The following LRRTM4 variants were observed in gnomAD, a reference collection of about 807,000 sequenced individuals.
LRRTM4 encodes leucine rich repeat transmembrane neuronal 4, also known as leucine-rich repeat transmembrane neuronal protein 4.
Under a neutral mutation model 47.6 loss-of-function variants are expected in LRRTM4, and 25 were observed. The observed-to-expected ratio is 0.53, with a 90% CI of 0.38 to 0.73. The LOEUF (loss-of-function observed/expected upper bound fraction) is 0.73. Ranked by LOEUF, LRRTM4 falls within the 30% of genes least tolerant of loss-of-function variation. The probability of loss-of-function intolerance (pLI) is 0.00; values close to 1 mark genes in which losing one functional copy is unlikely to be tolerated. For synonymous variants in LRRTM4, 311 were observed against 269.5 expected (o/e 1.15, Z -1.51); for missense variants, 638 against 713.4 (o/e 0.89, Z 1.20).
At chr2:77,118,339 A>G (rs1572979702) in intron 3 of LRRTM4, among the ~76,000 whole-genome samples, 1 of 152,052 alleles carries the variant, frequency 6.6e-6, no homozygotes, top group Admixed American at 6.6e-5. Context: ...AAAACTCAGA[A>G]AAGTATCTAC....
intron 3 of LRRTM4, among the ~76,000 whole-genome samples, chr2:76,963,530 T>C (rs556459749): frequency 6.6e-6 from 1 of 150,952 alleles, no homozygotes. Flanking sequence ...ATTTAAGAAA[T>C]TCAAATTAAT....
chr2:77,013,773 A>T (rs971433200), intron 3 of LRRTM4, among the ~76,000 whole-genome samples: 2 of 152,206 alleles, frequency 1.3e-5, no homozygotes, highest in Non-Finnish European at 2.9e-5. Flanking sequence ...AACAACTCAG[A>T]TAAAATATTG....
chr2:77,309,673 TAGAC>T (rs1213703689), intron 3 of LRRTM4, among the ~76,000 whole-genome samples: 1 of 140,640 alleles, frequency 7.1e-6, no homozygotes, highest in Non-Finnish European at 1.5e-5. Context: ...TTTAGATAGA[TAGAC>T]AGATGATAGA....
At chr2:76,932,944 A>T in intron 3 of LRRTM4, among the ~76,000 whole-genome samples, 1 of 152,148 alleles carries the variant, frequency 6.6e-6, no homozygotes, top group Non-Finnish European at 1.5e-5. Context: ...TGCTGTACCC[A>T]TCAACCCGTC....
chr2:76,916,605 G>T (rs1390972969), intron 3 of LRRTM4, among the ~76,000 whole-genome samples: 2 of 151,938 alleles, frequency 1.3e-5, no homozygotes, highest in Non-Finnish European at 2.9e-5. Flanking sequence ...TGTGAACCCA[G>T]TTAGAAAAGA....
At chr2:77,231,312 A>G (rs1269446578) in intron 3 of LRRTM4, among the ~76,000 whole-genome samples, 1 of 152,018 alleles carries the variant, frequency 6.6e-6, no homozygotes, top group Non-Finnish European at 1.5e-5. Flanking sequence ...CTGAGCTCAT[A>G]AGAGTCAGCT....
intron 3 of LRRTM4, among the ~76,000 whole-genome samples, chr2:76,751,722 G>A (rs1672855659): frequency 6.6e-6 from 1 of 152,048 alleles, no homozygotes; most frequent in African/African-American, 2.4e-5. Context: ...ATTTTTCAGG[G>A]TGTCAGATTC....
intron 3 of LRRTM4, among the ~76,000 whole-genome samples, chr2:76,845,798 G>A (rs1460985576): frequency 6.6e-6 from 1 of 152,082 alleles, no homozygotes; most frequent in Non-Finnish European, 1.5e-5. Context: ...GTAAGGAATA[G>A]GGAGAGGGTG....
intron 3 of LRRTM4, among the ~76,000 whole-genome samples, chr2:76,937,875 T>C (rs554928745): frequency 6.6e-6 from 1 of 152,228 alleles, no homozygotes; most frequent in South Asian, 2.1e-4. Context: ...CATCTTTATA[T>C]ATATATTTTT....
chr2:77,201,482 A>C (rs546766194), intron 3 of LRRTM4, among the ~76,000 whole-genome samples: 28 of 152,288 alleles, frequency 1.8e-4, no homozygotes, highest in African/African-American at 6.5e-4. Flanking sequence ...ATTACTTAAA[A>C]ACAATAGTTT....
intron 3 of LRRTM4, among the ~76,000 whole-genome samples, chr2:76,931,455 C>T (rs1440907326): frequency 1.3e-5 from 2 of 152,128 alleles, no homozygotes; most frequent in Non-Finnish European, 2.9e-5. Flanking sequence ...TGACCTTTCT[C>T]ACAATGTCTT....
intron 3 of LRRTM4, among the ~76,000 whole-genome samples, chr2:76,806,206 CAG>C (rs1453802704): frequency 6.6e-6 from 1 of 152,052 alleles, no homozygotes; most frequent in Non-Finnish European, 1.5e-5. Flanking sequence ...ACTAGGCACT[CAG>C]AAAAAGGAAA....
At chr2:76,849,648 A>C (rs1671934741) in intron 3 of LRRTM4, among the ~76,000 whole-genome samples, 1 of 152,110 alleles carries the variant, frequency 6.6e-6, no homozygotes, top group Non-Finnish European at 1.5e-5. Context: ...GTCTCTATCA[A>C]ATTCTTCCTT....
At chr2:77,033,987 T>C (rs1164280478) in intron 3 of LRRTM4, among the ~76,000 whole-genome samples, 1 of 151,790 alleles carries the variant, frequency 6.6e-6, no homozygotes, top group African/African-American at 2.4e-5. Flanking sequence ...GATTTCAAGA[T>C]TTTTTAATAT....
chr2:77,382,544 G>T (rs1004362478), intron 3 of LRRTM4, among the ~76,000 whole-genome samples: 1 of 152,062 alleles, frequency 6.6e-6, no homozygotes, highest in Non-Finnish European at 1.5e-5. Context: ...GAGGAAAACT[G>T]GTAGAAGTGT....
chr2:77,151,125 G>GTC (rs1405164118), intron 3 of LRRTM4, among the ~76,000 whole-genome samples: 4 of 151,960 alleles, frequency 2.6e-5, no homozygotes, highest in African/African-American at 2.4e-5. Context: ...GTATGTGTGT[G>GTC]TGTGTGTGTG....
At chr2:77,069,238 C>T (rs1228258174) in intron 3 of LRRTM4, among the ~76,000 whole-genome samples, 2 of 152,060 alleles carry the variant, frequency 1.3e-5, no homozygotes, top group Non-Finnish European at 2.9e-5. Context: ...GAGTTGGTCT[C>T]ATCAGAGGTG....
At chr2:77,391,837 T>G (rs1234653543) in intron 3 of LRRTM4, among the ~76,000 whole-genome samples, 1 of 151,990 alleles carries the variant, frequency 6.6e-6, no homozygotes, top group African/African-American at 2.4e-5. Context: ...TTAACTGGCA[T>G]TTTCATTAAA....
chr2:76,995,915 A>G (rs1299368518), intron 3 of LRRTM4, among the ~76,000 whole-genome samples: 4 of 152,144 alleles, frequency 2.6e-5, no homozygotes, highest in African/African-American at 9.6e-5. Context: ...GAAAAAAACT[A>G]GTAACTTAAG....
Sources: gnomAD v4.1 joint callset for allele counts (sites outside exome capture counted in the v4.1 genomes callset) on GRCh38, gnomAD v4.1.1 for gene constraint, MANE v1.5 for transcripts, NCBI Gene and HGNC (gene_info 2026-07-23, HGNC 2026-07-21) for gene names.